Variants in FYB1 observed in about 807,000 individuals in gnomAD.
FYB1 encodes FYN binding protein 1, also known as FYN-binding protein 1.
In FYB1, 41 loss-of-function variants were observed where a neutral mutation model predicts 94.1. That is an observed-to-expected ratio of 0.44 (90% CI 0.34 to 0.57). The LOEUF (loss-of-function observed/expected upper bound fraction) is 0.57, where lower values mean the gene tolerates loss of function less well. Ranked by LOEUF, FYB1 falls within the 20% of genes least tolerant of loss-of-function variation. The pLI is 0.02. For missense variants in FYB1, 1,050 were observed against 976.8 expected (o/e 1.07, Z -1.00); for synonymous variants, 367 against 353.2 (o/e 1.04, Z -0.44).
At chr5:39,264,784 C>T (rs559517210) in intron 1 of FYB1, among the ~76,000 whole-genome samples, 2 of 152,238 alleles carry the variant, frequency 1.3e-5, no homozygotes, top group South Asian at 4.2e-4. Context: ...TGTAGTGATT[C>T]CCATGTGCAG....
At chr5:39,155,087 G>A (rs1038545195) in intron 2 of FYB1, among the ~76,000 whole-genome samples, 1 of 152,106 alleles carries the variant, frequency 6.6e-6, no homozygotes, top group Non-Finnish European at 1.5e-5. Context: ...AACGAAGAAA[G>A]CCTCTCTTTA....
At chr5:39,161,161 TC>T (rs10713556) in intron 2 of FYB1, among the ~76,000 whole-genome samples, 91,021 of 152,028 alleles carry the variant, frequency 0.6, 29,671 homozygotes, top group Non-Finnish European at 0.72. Context: ...TTCATTTTCT[TC>T]CTAGCTAAAC....
chr5:39,266,107 G>A (rs760663783), intron 1 of FYB1, among the ~76,000 whole-genome samples: 3 of 151,294 alleles, frequency 2.0e-5, no homozygotes, highest in African/African-American at 7.3e-5. Context: ...AAAATTACTT[G>A]CCAAGTAAAC....
At chr5:39,257,395 G>A (rs1174474812) in intron 1 of FYB1, among the ~76,000 whole-genome samples, 2 of 149,816 alleles carry the variant, frequency 1.3e-5, no homozygotes, top group Non-Finnish European at 2.9e-5. Flanking sequence ...TACTTATTTT[G>A]ACTTAGGTTC....
chr5:39,268,447 G>A (rs527710939), intron 1 of FYB1, among the ~76,000 whole-genome samples: 13 of 151,796 alleles, frequency 8.6e-5, no homozygotes, highest in African/African-American at 2.7e-4. Context: ...TTGTTGCCCC[G>A]GCTGGTCTTG....
intron 1 of FYB1, among the ~76,000 whole-genome samples, chr5:39,245,789 C>T (rs1004342283): frequency 2.6e-5 from 4 of 151,820 alleles, no homozygotes; most frequent in Admixed American, 6.6e-5. Context: ...AGTAGAGACG[C>T]GGGTTTCGCC....
intron 1 of FYB1, among the ~76,000 whole-genome samples, chr5:39,262,058 A>T (rs1172766631): frequency 2.0e-5 from 3 of 152,232 alleles, no homozygotes; most frequent in African/African-American, 7.2e-5. Flanking sequence ...TCAAGGAAAA[A>T]TTAGAAAAAT....
chr5:39,143,066 G>A (rs114250763), intron 3 of FYB1, among the ~76,000 whole-genome samples: 1 of 152,074 alleles, frequency 6.6e-6, no homozygotes, highest in Non-Finnish European at 1.5e-5. Flanking sequence ...TTCCTAAATG[G>A]TTTTATGTAC....
intron 9 of FYB1, among the ~76,000 whole-genome samples, chr5:39,131,375 T>C (rs977923600): frequency 1.3e-5 from 2 of 152,172 alleles, no homozygotes; most frequent in African/African-American, 4.8e-5. Flanking sequence ...TTAAGTGACT[T>C]GACCACGCCC....
chr5:39,248,007 T>C (rs1751562765), intron 1 of FYB1, among the ~76,000 whole-genome samples: 1 of 152,114 alleles, frequency 6.6e-6, no homozygotes, highest in Non-Finnish European at 1.5e-5. Flanking sequence ...GTTACTCAAG[T>C]GTAATAAGAA....
chr5:39,248,461 T>G (rs571305740), intron 1 of FYB1, among the ~76,000 whole-genome samples: 16 of 152,220 alleles, frequency 1.1e-4, no homozygotes, highest in Admixed American at 3.3e-4. Flanking sequence ...GTGCCAGCAC[T>G]TTGGGGGTCA....
At position 39,130,615 on chromosome 5, in the gene FYB1, A is replaced by G; in HGVS notation, c.1818-3T>C. On this transcript the variant is annotated splice_polypyrimidine_tract_variant and splice_region_variant and intron_variant, in intron 9 of 18. Transcript: ENST00000512982. ...CTCCACTTCCACTCTGACTGTGGCTAGAAAAGAAACCCAGAAATATTAAGT... is the reference window on the plus strand; with the variant it reads ...CTCCACTTCCACTCTGACTGTGGCTGGAAAAGAAACCCAGAAATATTAAGT... 2 of 1,572,278 alleles carry G rather than the reference A, an allele frequency of 1.3e-6. No homozygotes were observed. The highest frequency in any genetic ancestry group is 1.7e-4 in the Middle Eastern group (1 of 5,986).
In FYB1 at chr5:39,106,735, A is replaced by T. The variant is rs1468196277; in HGVS notation, c.*708T>A. 6.6e-6 allele frequency: 1 copy of T among 152,118 alleles called. No individual in the cohort carries two copies. The highest frequency in any genetic ancestry group is 1.5e-5 in the Non-Finnish European group (1 of 67,952). 9.4% of individuals were successfully genotyped at this position (152,118 alleles called of 1,614,324 possible). A position where few individuals can be genotyped will look rare whatever the true frequency, so the allele number is the denominator to read the frequency against. On this transcript the variant is annotated 3_prime_UTR_variant, in exon 19 of 19. Transcript: ENST00000512982. ...TTTAAACAGAGCACAGAATTAAACC[A>T]TTAGTATGTGAATCTGCAAAAAGAG...
chr5:39,189,465 C>T (rs568611523), intron 2 of FYB1, among the ~76,000 whole-genome samples: 1 of 152,248 alleles, frequency 6.6e-6, no homozygotes, highest in Non-Finnish European at 1.5e-5. Flanking sequence ...GCCATCTCTT[C>T]CCACTGACTT....
chr5:39,108,358 GAC>G lies in FYB1; in HGVS notation c.2436-98_2436-97del, dbSNP rs544087886. 3.1e-4 allele frequency: 351 copies of G among 1,129,692 alleles called. 4 individuals are homozygous for G. The East Asian group carries it at 8.4e-3, about 27-fold the overall frequency. 70.0% of individuals were successfully genotyped at this position (1,129,692 alleles called of 1,614,324 possible). On this transcript the variant is annotated intron_variant, in intron 17 of 18. Transcript: ENST00000512982. The stretch of plus-strand genomic sequence containing the variant: ...ATAGAGTAACAGTATAATTTTATAA[GAC>G]ACAATTAAGACTTTTAAGCATAGTA...
rs768964726 is a variant in FYB1 at position 39,203,027 on chromosome 5, G to T, written c.-27-40C>A. The T allele has an allele frequency of 3.8e-6, 6 of 1,568,494 alleles. 1 individual carries two copies. In the South Asian group the frequency reaches 4.5e-5, roughly 12 times the overall value. On this transcript the variant is annotated intron_variant, in intron 1 of 18. Coordinates refer to ENST00000512982, the MANE Select transcript of FYB1 (RefSeq NM_001465.6). ...AACAAAAAATAGCTGAGAGACAAAA[G>T]TCTTACTTGCACAGTTTAAAATACT...
intron 2 of FYB1, among the ~76,000 whole-genome samples, chr5:39,174,714 A>G (rs1745559987): frequency 6.6e-6 from 1 of 152,214 alleles, no homozygotes; most frequent in Admixed American, 6.5e-5. Flanking sequence ...CATGAAATCA[A>G]AATAAGCTCT....
At chr5:39,243,598 T>G (rs1299905439) in intron 1 of FYB1, among the ~76,000 whole-genome samples, 7 of 152,298 alleles carry the variant, frequency 4.6e-5, no homozygotes, top group Admixed American at 2.6e-4. Context: ...TTGTTCTTTT[T>G]GCTTAGGATT....
intron 3 of FYB1, among the ~76,000 whole-genome samples, chr5:39,152,074 T>A (rs917459538): frequency 7.6e-6 from 1 of 131,748 alleles, no homozygotes; most frequent in African/African-American, 2.9e-5. Context: ...TGAAAGTCTT[T>A]CACTATACAT....
Sources: gnomAD v4.1 joint callset for allele counts (sites outside exome capture counted in the v4.1 genomes callset) on GRCh38, gnomAD v4.1.1 for gene constraint, MANE v1.5 for transcripts, NCBI Gene and HGNC (gene_info 2026-07-23, HGNC 2026-07-21) for gene names.